VCAN: variants seen among roughly 807,000 people sequenced by gnomAD.
The protein encoded by VCAN is versican core protein.
Under a neutral mutation model 245.5 loss-of-function variants are expected in VCAN, and 44 were observed. The observed-to-expected ratio is 0.18, with a 90% CI of 0.14 to 0.23. The LOEUF (loss-of-function observed/expected upper bound fraction) is 0.23, where lower values mean the gene tolerates loss of function less well. VCAN is among the 10% of genes least tolerant of loss of function. The pLI is 1.00. For synonymous variants in VCAN, 1,413 were observed against 1,437.0 expected (o/e 0.98, Z 0.38); for missense variants, 3,793 against 4,057.9 (o/e 0.93, Z 1.77).
intron 5 of VCAN, among the ~76,000 whole-genome samples, chr5:83,506,158 G>A (rs939568997): frequency 2.0e-5 from 3 of 152,198 alleles, no homozygotes; most frequent in Non-Finnish European, 2.9e-5. Flanking sequence ...GGGGATTAAC[G>A]TTAGGCTCCT....
At chr5:83,574,847 A>G (rs757610478) in intron 13 of VCAN, among the ~76,000 whole-genome samples, 1 of 149,354 alleles carries the variant, frequency 6.7e-6, no homozygotes, top group African/African-American at 2.6e-5. Flanking sequence ...AGAATTGTTT[A>G]GTTAACATTA....
Position 83,537,353 on chromosome 5 carries a change from T to C in VCAN, c.4350T>C (p.Asp1450=), listed in dbSNP as rs200620053. 6.8e-6 allele frequency: 11 copies of C among 1,614,052 alleles called. No individual in the cohort carries two copies. Among genetic ancestry groups the C allele is most frequent in the Non-Finnish European group, 8.5e-6 (10 of 1,179,962 alleles). ...ATTTCTCGGACAGCTCTGAAAGTGA[T>C]ACTCATCCATTTGTAATAGCCAAAA... The part of the protein sequence containing the change: ...SQNFSDSSES[D]THPFVIAKTE... The change falls in exon 8 of 15, where the codon GAT becomes GAC. Residue 1450 remains aspartate (D), a synonymous_variant. Transcript: ENST00000265077.
At chr5:83,557,253 A>T in intron 12 of VCAN, among the ~76,000 whole-genome samples, 1 of 152,114 alleles carries the variant, frequency 6.6e-6, no homozygotes, top group East Asian at 1.9e-4. Flanking sequence ...GTCATTGGTT[A>T]CATAGATTTG....
At chr5:83,524,306 A>G (rs561903322) in intron 7 of VCAN, among the ~76,000 whole-genome samples, 1 of 152,294 alleles carries the variant, frequency 6.6e-6, no homozygotes, top group African/African-American at 2.4e-5. Context: ...TGGGAGACGT[A>G]TATAGGTGTT....
chr5:83,555,004 A>C lies in VCAN; in HGVS notation c.9701A>C (p.Glu3234Ala), dbSNP rs1747615089. ...ATAGGCCTCAATGACAAGATGTTTG[A>C]GCATGACTTCCGTTGGACTGATGGC... ...QWIGLNDKMFEHDFRWTDGST... is the reference protein window; with the variant it reads ...QWIGLNDKMFAHDFRWTDGST... The change falls in exon 12 of 15, where the codon GAG becomes GCG. Residue 3234 changes from glutamate (E) to alanine (A), a missense_variant. Coordinates refer to ENST00000265077, the MANE Select transcript of VCAN (RefSeq NM_004385.5). 2 of 1,613,630 alleles carry C rather than the reference A, an allele frequency of 1.2e-6. No individual in the cohort carries two copies. Among genetic ancestry groups the C allele is most frequent in the Admixed American group, 3.3e-5 (2 of 59,994 alleles).
rs1746881996 is a variant in VCAN, at chr5:83,539,601, A to G, written c.6598A>G (p.Thr2200Ala). The G allele has an allele frequency of 1.2e-6, 2 of 1,614,086 alleles. No homozygotes were observed. Among genetic ancestry groups the G allele is most frequent in the Non-Finnish European group, 1.7e-6 (2 of 1,179,986 alleles). The change falls in exon 8 of 15, where the codon ACT (threonine) becomes GCT (alanine). Residue 2200 changes from threonine (T) to alanine (A), a missense_variant. Physicochemically the swap from Thr to Ala is moderately conservative, Grantham distance 58. Transcript: ENST00000265077. ...ATCTTACACAACTCTCCCTGAAGCT[A>G]CTGAAAAGTCACATTTTTTCTTAGC... Reference protein sequence around the residue: ...LESYTTLPEATEKSHFFLATA... With the variant: ...LESYTTLPEAAEKSHFFLATA...
rs772914412 is a variant in VCAN at position 83,539,053 on chromosome 5, C to T, written c.6050C>T (p.Thr2017Ile). ...GAGGGCTCAGGTGAGCAACTGGTCA[C>T]AGTCAGCAGCTCTGTTGTTCCAGTG... ...SAEGSGEQLV[T>I]VSSSVVPVLP... The change falls in exon 8 of 15, where the codon ACA becomes ATA. Residue 2017 changes from threonine (T) to isoleucine (I), a missense_variant. Transcript: ENST00000265077. The T allele has an allele frequency of 1.2e-6, 2 of 1,613,878 alleles. No homozygotes were observed. Among genetic ancestry groups the T allele is most frequent in the South Asian group, 1.1e-5 (1 of 91,082 alleles).
rs774404323 is a variant in VCAN at position 83,538,617 on chromosome 5, C to T, written c.5614C>T (p.Pro1872Ser). The T allele has an allele frequency of 1.9e-6, 3 of 1,614,032 alleles. No individual in the cohort carries two copies. Among genetic ancestry groups the T allele is most frequent in the Admixed American group, 3.3e-5 (2 of 60,006 alleles). ...AEKEVAGTLS[P>S]HVETTFSTEP... ...AAAGGAAGTAGCTGGCACTTTGTCT[C>T]CGCATGTGGAAACTACATTCTCCAC... The change falls in exon 8 of 15, where the codon CCG becomes TCG. Residue 1872 changes from proline (P) to serine (S), a missense_variant. Coordinates refer to ENST00000265077, the MANE Select transcript of VCAN (RefSeq NM_004385.5).
chr5:83,524,550 ACC>A (rs1746222281), intron 7 of VCAN, among the ~76,000 whole-genome samples: 1 of 81,752 alleles, frequency 1.2e-5, no homozygotes, highest in Non-Finnish European at 2.3e-5. Context: ...CTACCTACCT[ACC>A]TACCTACCTA....
intron 5 of VCAN, among the ~76,000 whole-genome samples, chr5:83,498,709 A>G (rs1353781941): frequency 1.3e-5 from 2 of 152,184 alleles, no homozygotes; most frequent in East Asian, 1.9e-4. Context: ...TAGCTCCTGA[A>G]TTCTTTTCTG....
In VCAN at chr5:83,521,019, A is replaced by G. The variant is rs752396482; in HGVS notation, c.2713A>G (p.Lys905Glu). The change falls in exon 7 of 15, where the codon AAA becomes GAA. Residue 905 changes from lysine to glutamate, a missense_variant. Coordinates refer to ENST00000265077, the MANE Select transcript of VCAN (RefSeq NM_004385.5). ...TTTGAGAGATTCTACAACTGAAGAA[A>G]AAGTTCCACCTATCACAAGCACTGA... is the stretch of plus-strand genomic sequence containing the variant. ...STLRDSTTEE[K>E]VPPITSTEGQ... The G allele has an allele frequency of 3.7e-6, 6 of 1,613,706 alleles. No homozygotes were observed. In the East Asian group the frequency reaches 8.9e-5, roughly 24 times the overall value.
chr5:83,520,825 A>G lies in VCAN; in HGVS notation c.2519A>G (p.Asp840Gly), dbSNP rs1001996484. The G allele has an allele frequency of 6.2e-7, 1 of 1,614,016 alleles. No individual in the cohort carries two copies. The highest frequency in any genetic ancestry group is 8.5e-7 in the Non-Finnish European group (1 of 1,180,004). The change falls in exon 7 of 15, where the codon GAT (aspartate) becomes GGT (glycine). Residue 840 changes from aspartate to glycine, a missense_variant. Asp to Gly is a moderately conservative substitution (Grantham distance 94, BLOSUM62 -1). Transcript: ENST00000265077. ...LLTTVGMNGK[D>G]KDIPSFTEDG... is the part of the protein sequence containing the mutation. ...ACAACTGTGGGGATGAATGGAAAGG[A>G]TAAAGACATCCCAAGTTTCACTGAA...
chr5:83,538,374 C>A lies in VCAN; in HGVS notation c.5371C>A (p.Pro1791Thr), dbSNP rs1308577531. Residue 1791 changes from proline to threonine, a missense_variant, in exon 8 of 15, where the codon CCT becomes ACT. Physicochemically the swap from Pro to Thr is conservative, Grantham distance 38. Coordinates refer to ENST00000265077, the MANE Select transcript of VCAN (RefSeq NM_004385.5). ...QSEREMTDST[P>T]VFTETNTLEN... ...TGAAAGGGAAATGACAGATTCTACTCCTGTCTTTACAGAAACAAATACATT... is the reference window on the plus strand; with the variant it reads ...TGAAAGGGAAATGACAGATTCTACTACTGTCTTTACAGAAACAAATACATT... 6.2e-7 allele frequency: 1 copy of A among 1,614,004 alleles called. No individual in the cohort carries two copies. The highest frequency in any genetic ancestry group is 8.5e-7 in the Non-Finnish European group (1 of 1,179,966).
intron 12 of VCAN, among the ~76,000 whole-genome samples, chr5:83,564,363 A>G (rs909877088): frequency 1.3e-5 from 2 of 152,166 alleles, no homozygotes; most frequent in Non-Finnish European, 2.9e-5. Flanking sequence ...TCACAGAACT[A>G]CACCCAGATA....
In VCAN at chr5:83,534,386, G is replaced by A. The variant is rs148743368; in HGVS notation, c.4004-2621G>A. Among the ~76,000 whole-genome samples, 58 of 152,038 alleles carry A rather than the reference G, an allele frequency of 3.8e-4. 1 individual carries two copies. In the East Asian group the frequency reaches 7.7e-3, roughly 20 times the overall value. On this transcript the variant is annotated intron_variant, in intron 7 of 14. Coordinates refer to ENST00000265077, the MANE Select transcript of VCAN (RefSeq NM_004385.5). ...CTGGAGAAACCCAGCTGAATGGCTC[G>A]TTTTAACTTCATTATTTACAAAAGG...
chr5:83,542,321 G>A, intron 8 of VCAN, 53 bp downstream of exon 8: 1 of 1,557,620 alleles, frequency 6.4e-7, no homozygotes, highest in Non-Finnish European at 8.8e-7. Context: ...CAGTCCCTTG[G>A]TGCTAACGTT....
intron 5 of VCAN, among the ~76,000 whole-genome samples, chr5:83,500,420 T>A (rs762694604): frequency 1.3e-4 from 20 of 152,190 alleles, no homozygotes; most frequent in Admixed American, 3.9e-4. Context: ...CACAGCATGG[T>A]GGGAGCACCT....
intron 1 of VCAN, among the ~76,000 whole-genome samples, chr5:83,473,981 T>C (rs1338257497): frequency 6.6e-6 from 1 of 152,110 alleles, no homozygotes; most frequent in Non-Finnish European, 1.5e-5. Context: ...GTTCGCCGCT[T>C]AGTGGACGAA....
chr5:83,547,096 G>C (rs776154328), intron 9 of VCAN, among the ~76,000 whole-genome samples: 6 of 152,144 alleles, frequency 3.9e-5, no homozygotes, highest in African/African-American at 1.4e-4. Context: ...TGACAGCCTC[G>C]ATCCAGGTAT....
Sources: allele counts gnomAD v4.1 joint callset (sites outside exome capture counted in the v4.1 genomes callset), GRCh38; gene constraint gnomAD v4.1.1; transcripts MANE v1.5; gene names NCBI Gene and HGNC (gene_info 2026-07-23, HGNC 2026-07-21).